STK32B: variants seen among roughly 807,000 people sequenced by gnomAD.
STK32B encodes the protein serine/threonine kinase 32B, also known as serine/threonine-protein kinase 32B.
STK32B carries 43 observed loss-of-function variants against 52.6 expected under a neutral mutation model. The observed-to-expected ratio is 0.82, with a 90% confidence interval of 0.64 to 1.05. The LOEUF (loss-of-function observed/expected upper bound fraction) is 1.05, where lower values mean the gene tolerates loss of function less well. Ranked by LOEUF, STK32B falls within the 50% of genes least tolerant of loss-of-function variation. STK32B has a pLI of 0.00. For missense variants in STK32B, 621 were observed against 534.6 expected (o/e 1.16, Z -1.59); for synonymous variants, 238 against 204.3 (o/e 1.17, Z -1.41).
At chr4:5,222,506 C>T (rs757120268) in intron 3 of STK32B, among the ~76,000 whole-genome samples, 6 of 152,140 alleles carry the variant, frequency 3.9e-5, no homozygotes, top group African/African-American at 9.7e-5. Context: ...CTGATGAGTT[C>T]TTAAGTGTAG....
intron 2 of STK32B, among the ~76,000 whole-genome samples, chr4:5,150,065 G>C (rs1374623): frequency 0.78 from 118,344 of 151,894 alleles, 46,177 homozygotes; most frequent in East Asian, 0.93. Flanking sequence ...CTAACTTTCA[G>C]AATTTCTGAT....
chr4:5,219,740 A>G (rs1723406655), intron 3 of STK32B, among the ~76,000 whole-genome samples: 1 of 152,206 alleles, frequency 6.6e-6, no homozygotes, highest in South Asian at 2.1e-4. Flanking sequence ...TCAGGAAGCA[A>G]CCCCAGCTCA....
At chr4:5,032,334 G>A in the STK32B span, among the ~76,000 whole-genome samples, 6 of 151,658 alleles carry the variant, frequency 4.0e-5, no homozygotes, top group Non-Finnish European at 7.4e-5. Flanking sequence ...TTAGCCGGGC[G>A]TGGTGGTGCA....
At chr4:5,413,948 C>G (rs1367338085) in intron 5 of STK32B, among the ~76,000 whole-genome samples, 1 of 152,214 alleles carries the variant, frequency 6.6e-6, no homozygotes, top group Non-Finnish European at 1.5e-5. Flanking sequence ...TACCCTTGGT[C>G]CCAGCAATCC....
intron 2 of STK32B, among the ~76,000 whole-genome samples, chr4:5,143,117 G>GTCTGTCTGTCTGTCTGTCTA (rs1716617403): frequency 6.7e-6 from 1 of 148,648 alleles, no homozygotes; most frequent in Non-Finnish European, 1.5e-5. Flanking sequence ...CTGTCTGTCT[G>GTCTGTCTGTCTGTCTGTCTA]TCTGTCTGTC....
chr4:5,456,793 T>C lies in STK32B; in HGVS notation c.667-14T>C. ...GCTCTCTCTCTGATTCTGGCTGTTG[T>C]TCTTTGATTGCAGAGGCCGTACGAA... is the stretch of plus-strand genomic sequence containing the variant. On this transcript the variant is annotated splice_polypyrimidine_tract_variant and intron_variant, in intron 7 of 11. Transcript: ENST00000282908. 6.4e-7 allele frequency: 1 copy of C among 1,556,978 alleles called. No homozygotes were observed. Among genetic ancestry groups the C allele is most frequent in the South Asian group, 1.2e-5 (1 of 81,420 alleles).
At chr4:5,250,032 T>C (rs1406180813) in intron 3 of STK32B, among the ~76,000 whole-genome samples, 1 of 152,146 alleles carries the variant, frequency 6.6e-6, no homozygotes, top group Non-Finnish European at 1.5e-5. Flanking sequence ...CCTGGGTTAG[T>C]TTGCTTAGGG....
Position 5,223,328 on chromosome 4 carries a change from A to G in STK32B, c.260+54878A>G, listed in dbSNP as rs539811977. Among the ~76,000 whole-genome samples, 22 of 152,272 alleles carry G rather than the reference A, an allele frequency of 1.4e-4. 1 individual carries two copies. The East Asian group carries it at 2.5e-3, about 17-fold the overall frequency. On this transcript the variant is annotated intron_variant, in intron 3 of 11. Coordinates refer to ENST00000282908, the MANE Select transcript of STK32B (RefSeq NM_018401.3). ...GCTGCAGAGAGCCCCTAATGAGGCA[A>G]TGCCTAGTGGAATCATGAAGGCAGG...
chr4:5,050,631 G>C (rs1482851230), upstream of STK32B, among the ~76,000 whole-genome samples: 1 of 152,160 alleles, frequency 6.6e-6, no homozygotes, highest in African/African-American at 2.4e-5. Context: ...GCAGGATGTA[G>C]CCAAAGATTC....
intron 3 of STK32B, among the ~76,000 whole-genome samples, chr4:5,211,083 C>T (rs1232478222): frequency 6.6e-6 from 1 of 152,140 alleles, no homozygotes; most frequent in Non-Finnish European, 1.5e-5. Flanking sequence ...GTGTGAGCTA[C>T]CATGCCCTAC....
At chr4:5,088,674 T>C (rs948720110) in intron 1 of STK32B, among the ~76,000 whole-genome samples, 1 of 152,126 alleles carries the variant, frequency 6.6e-6, no homozygotes, top group African/African-American at 2.4e-5. Context: ...GTTTCCATGA[T>C]GTGATTATTA....
chr4:5,334,317 A>G (rs1206401984), intron 4 of STK32B, among the ~76,000 whole-genome samples: 1 of 152,074 alleles, frequency 6.6e-6, no homozygotes, highest in Non-Finnish European at 1.5e-5. Context: ...TGATTTTTAT[A>G]CATTGATTTT....
intron 4 of STK32B, among the ~76,000 whole-genome samples, chr4:5,352,327 A>G (rs1188863217): frequency 6.6e-6 from 1 of 152,028 alleles, no homozygotes; most frequent in African/African-American, 2.4e-5. Flanking sequence ...CACATCAACA[A>G]AATTAAGGAG....
At chr4:5,115,339 G>GA (rs200923374) in intron 1 of STK32B, among the ~76,000 whole-genome samples, 2 of 152,002 alleles carry the variant, frequency 1.3e-5, no homozygotes, top group African/African-American at 2.4e-5. Context: ...CCCCTGCCCT[G>GA]AAAAAAAAGT....
At chr4:5,262,187 G>A (rs1197531615) in intron 3 of STK32B, among the ~76,000 whole-genome samples, 1 of 152,160 alleles carries the variant, frequency 6.6e-6, no homozygotes, top group Non-Finnish European at 1.5e-5. Flanking sequence ...GCATCCAGTT[G>A]CAGCTCAGAG....
intron 1 of STK32B, among the ~76,000 whole-genome samples, chr4:5,105,813 T>C (rs1477717679): frequency 1.3e-5 from 2 of 151,932 alleles, no homozygotes; most frequent in African/African-American, 4.8e-5. Context: ...TCCACCCGCC[T>C]CGGCCACCCA....
At chr4:5,277,866 A>G (rs560372395) in intron 3 of STK32B, among the ~76,000 whole-genome samples, 1 of 152,292 alleles carries the variant, frequency 6.6e-6, no homozygotes, top group Admixed American at 6.5e-5. Flanking sequence ...CATCCATAAG[A>G]ATATTTTGAC....
intron 4 of STK32B, among the ~76,000 whole-genome samples, chr4:5,365,465 A>G (rs184129153): frequency 5.6e-4 from 85 of 152,332 alleles, no homozygotes; most frequent in African/African-American, 1.9e-3. Context: ...AGGAAACTAA[A>G]TATAACCTCT....
At chr4:5,388,830 G>A (rs745597575) in intron 4 of STK32B, among the ~76,000 whole-genome samples, 2 of 152,228 alleles carry the variant, frequency 1.3e-5, no homozygotes, top group Admixed American at 6.5e-5. Flanking sequence ...CCTTGCACAT[G>A]TTTGTGAATC....
Sources: gnomAD v4.1 joint callset for allele counts (sites outside exome capture counted in the v4.1 genomes callset) on GRCh38, gnomAD v4.1.1 for gene constraint, MANE v1.5 for transcripts, NCBI Gene and HGNC (gene_info 2026-07-23, HGNC 2026-07-21) for gene names.